BPHL: variants seen among roughly 807,000 people sequenced by gnomAD.
BPHL encodes biphenyl hydrolase like, also known as serine hydrolase BPHL.
A neutral mutation model predicts 31.2 loss-of-function variants in BPHL; 27 were observed. That is an observed-to-expected ratio of 0.87 (90% CI 0.64 to 1.19). The LOEUF (loss-of-function observed/expected upper bound fraction) is 1.19, where lower values mean the gene tolerates loss of function less well. BPHL is among the 50% of genes most tolerant of loss of function. The pLI is 0.00. For synonymous variants in BPHL, 150 were observed against 146.8 expected (o/e 1.02, Z -0.16); for missense variants, 356 against 375.7 (o/e 0.95, Z 0.43).
intron 1 of BPHL, among the ~76,000 whole-genome samples, chr6:3,122,036 T>G (rs957583108): frequency 6.6e-6 from 1 of 152,034 alleles, no homozygotes; most frequent in Non-Finnish European, 1.5e-5. Flanking sequence ...TCCCAGCGCT[T>G]AGGGAGGCTG....
chr6:3,151,255 T>G (rs1762516150), intron 6 of BPHL, among the ~76,000 whole-genome samples: 1 of 152,162 alleles, frequency 6.6e-6, no homozygotes, highest in Non-Finnish European at 1.5e-5. Flanking sequence ...GCCTTGAGTG[T>G]CCCTGCAAGC....
chr6:3,140,989 A>G lies in BPHL; in HGVS notation c.788+480A>G, dbSNP rs1762158612. 6.6e-6 allele frequency among the ~76,000 whole-genome samples: 1 copy of G among 152,222 alleles called. No individual in the cohort carries two copies. Among genetic ancestry groups the G allele is most frequent in the South Asian group, 2.1e-4 (1 of 4,834 alleles). On this transcript the variant is annotated intron_variant, in intron 6 of 6. Transcript: ENST00000380379. The surrounding 1 kb of genome is among the most constrained non-coding windows in gnomAD (Gnocchi z 5.2). ...AGTGTTCCCTGTCCCTAAAGCCCCCAGGCCAGCAGGGAAAGCAGGCACAGA... is the reference window on the plus strand; with the variant it reads ...AGTGTTCCCTGTCCCTAAAGCCCCCGGGCCAGCAGGGAAAGCAGGCACAGA...
intron 4 of BPHL, among the ~76,000 whole-genome samples, chr6:3,136,824 C>G (rs1762027207): frequency 6.6e-6 from 1 of 152,178 alleles, no homozygotes; most frequent in Non-Finnish European, 1.5e-5. Flanking sequence ...ATCTATAATA[C>G]AGTTTGAAGT....
chr6:3,140,137 A>C lies in BPHL; in HGVS notation c.665-249A>C. The C allele has an allele frequency of 1.9e-6, 1 of 514,352 alleles. No individual in the cohort carries two copies. The highest frequency in any genetic ancestry group is 3.4e-6 in the Non-Finnish European group (1 of 290,788). The allele number at this position is 514,352 out of a possible 1,614,324, so 31.9% of individuals were successfully genotyped here. ...TTTCCTACTATTTTATGCGAATTTA[A>C]ATCAGGCTGCTTATTTACTAGTAGA... On this transcript the variant is annotated intron_variant, in intron 5 of 6. Transcript: ENST00000380379. The surrounding 1 kb of genome is among the most constrained non-coding windows in gnomAD (Gnocchi z 5.2).
chr6:3,151,452 C>G (rs1220653741), intron 6 of BPHL, among the ~76,000 whole-genome samples: 3 of 152,140 alleles, frequency 2.0e-5, no homozygotes, highest in African/African-American at 4.8e-5. Context: ...TCTTGGTACC[C>G]CATTCCCACC....
intron 4 of BPHL, 60 bp downstream of exon 4, chr6:3,129,258 A>C: frequency 1.3e-4 from 196 of 1,472,830 alleles, no homozygotes; most frequent in Non-Finnish European, 1.6e-4. Context: ...TCCGCATCTC[A>C]TCTCTTATTG....
Position 3,120,230 on chromosome 6 carries a change from T to C in BPHL, c.107+1383T>C, listed in dbSNP as rs540899684. Among the ~76,000 whole-genome samples the C allele has an allele frequency of 3.9e-5, 6 of 152,278 alleles. No homozygotes were observed. In the South Asian group the frequency reaches 1.2e-3, roughly 32 times the overall value. On this transcript the variant is annotated intron_variant, in intron 1 of 6. Coordinates refer to ENST00000380379, the MANE Select transcript of BPHL (RefSeq NM_004332.4). ...TTGTGTTTTTAGTAGAGATGGGGTT[T>C]CACCATGTTGGCCAAGCTGATCTCG...
intron 4 of BPHL, 89 bp from the exon 5 acceptor site, chr6:3,137,273 G>A: frequency 3.4e-6 from 5 of 1,486,200 alleles, no homozygotes; most frequent in Non-Finnish European, 4.6e-6. Context: ...TGAGCGCATG[G>A]GCTCAGAAGT....
chr6:3,119,770 A>G (rs1028647969), intron 1 of BPHL, among the ~76,000 whole-genome samples: 4 of 152,238 alleles, frequency 2.6e-5, no homozygotes, highest in African/African-American at 9.6e-5. Flanking sequence ...TTAGAACTGT[A>G]CTTGATCCAA....
At chr6:3,128,510 C>T (rs926154551) in intron 3 of BPHL, among the ~76,000 whole-genome samples, 2 of 152,208 alleles carry the variant, frequency 1.3e-5, no homozygotes, top group African/African-American at 2.4e-5. Context: ...CTGCCAAACG[C>T]ATGTCCAGAC....
chr6:3,127,770 A>G (rs1761757044), intron 3 of BPHL, among the ~76,000 whole-genome samples: 2 of 152,144 alleles, frequency 1.3e-5, no homozygotes, highest in South Asian at 4.1e-4. Flanking sequence ...TAGTTGTATG[A>G]TAGGCACATA....
intron 2 of BPHL, among the ~76,000 whole-genome samples, chr6:3,124,777 G>C (rs1761672308): frequency 6.6e-6 from 1 of 152,176 alleles, no homozygotes; most frequent in Admixed American, 6.5e-5. Context: ...GGATAGGAAG[G>C]CTGACTGTAC....
intron 6 of BPHL, among the ~76,000 whole-genome samples, chr6:3,150,638 G>A (rs1762496983): frequency 6.6e-6 from 1 of 152,204 alleles, no homozygotes; most frequent in South Asian, 2.1e-4. Context: ...TCTCCACAGA[G>A]CATGTGATTA....
chr6:3,126,226 G>A (rs1405826595), intron 2 of BPHL, among the ~76,000 whole-genome samples: 3 of 150,458 alleles, frequency 2.0e-5, no homozygotes, highest in African/African-American at 7.4e-5. Context: ...AAATCTTTAG[G>A]CTATTCACCT....
At chr6:3,146,111 TG>T (rs1581486541) in intron 6 of BPHL, among the ~76,000 whole-genome samples, 1 of 53,934 alleles carries the variant, frequency 1.9e-5, no homozygotes. Context: ...TGGTTCCGGT[TG>T]GAGTGCTGGT....
intron 2 of BPHL, among the ~76,000 whole-genome samples, chr6:3,125,216 T>G (rs1264261768): frequency 6.6e-6 from 1 of 152,122 alleles, no homozygotes; most frequent in African/African-American, 2.4e-5. Context: ...TGGCTAATTT[T>G]GTATTTTTAG....
chr6:3,145,557 T>TCA (rs1561800141), intron 6 of BPHL, among the ~76,000 whole-genome samples: 7 of 38,220 alleles, frequency 1.8e-4, no homozygotes, highest in African/African-American at 5.6e-4. Flanking sequence ...AGTGCTGGTG[T>TCA]GGGTTGGAGT....
At chr6:3,134,898 G>A (rs1761971617) in intron 4 of BPHL, among the ~76,000 whole-genome samples, 1 of 152,008 alleles carries the variant, frequency 6.6e-6, no homozygotes, top group South Asian at 2.1e-4. Context: ...CACCGCGCCT[G>A]GCCAATTTTT....
In BPHL at chr6:3,123,641, GT is replaced by G; in HGVS notation, c.108-10del. The G allele has an allele frequency of 6.2e-7, 1 of 1,608,654 alleles. No individual in the cohort carries two copies. The highest frequency in any genetic ancestry group is 8.5e-7 in the Non-Finnish European group (1 of 1,176,442). On this transcript the variant is annotated splice_polypyrimidine_tract_variant and intron_variant, in intron 1 of 6. Transcript: ENST00000380379. Reference sequence around the variant, plus strand: ...CTCCCCTTTCCCCCTGTGGGGATGTGTTTTTTCTCTTCTAGCACCTCGGTAA... The same window carrying G: ...CTCCCCTTTCCCCCTGTGGGGATGTGTTTTTCTCTTCTAGCACCTCGGTAA...
Sources: allele counts gnomAD v4.1 joint callset (sites outside exome capture counted in the v4.1 genomes callset), GRCh38; gene constraint gnomAD v4.1.1; non-coding constraint Gnocchi (gnomAD v3.1); transcripts MANE v1.5; gene names NCBI Gene and HGNC (gene_info 2026-07-23, HGNC 2026-07-21).